The following ANK2 variants were observed in gnomAD, a reference collection of about 807,000 sequenced individuals.
ANK2 encodes the protein ankyrin 2.
ANK2 carries 83 observed loss-of-function variants against 360.5 expected under a neutral mutation model. The ratio of observed to expected loss-of-function variants is 0.23; its 90% CI spans 0.19 to 0.28. The LOEUF is 0.28. Among genes scored for constraint, ANK2 ranks in the 10% least tolerant of loss-of-function variants. The pLI is 1.00. For synonymous variants in ANK2, 1,740 were observed against 1,759.5 expected, an observed-to-expected ratio of 0.99 and a Z score of 0.28; for missense variants, 4,201 against 4,795.7, an observed-to-expected ratio of 0.88 and a Z score of 3.66.
chr4:112,896,834 G>A (rs2081905118), intron 1 of ANK2, among the ~76,000 whole-genome samples: 1 of 152,100 alleles, frequency 6.6e-6, no homozygotes, highest in South Asian at 2.1e-4. Context: ...TTACTTACCT[G>A]CTCCTTCCAG....
chr4:113,250,752 A>ACCC (rs1383642885), intron 10 of ANK2, among the ~76,000 whole-genome samples: 33 of 47,338 alleles, frequency 7.0e-4, no homozygotes, highest in Non-Finnish European at 6.8e-4. Flanking sequence ...ACCTCATACC[A>ACCC]CCGCCCCCCC....
At chr4:112,706,938 G>A in the ANK2 span, 7 of 152,162 alleles carry the variant, frequency 4.6e-5, no homozygotes, top group East Asian at 7.7e-4. Flanking sequence ...ATCTGGTTGT[G>A]ATCTGTGATT....
chr4:113,262,584 A>C (rs1011690450), intron 13 of ANK2, among the ~76,000 whole-genome samples: 2 of 152,100 alleles, frequency 1.3e-5, no homozygotes, highest in African/African-American at 4.8e-5. Flanking sequence ...CTTCTGTATC[A>C]GTGGGTTCTA....
At chr4:112,922,473 AC>A (rs981352393) in intron 2 of ANK2, among the ~76,000 whole-genome samples, 2 of 152,224 alleles carry the variant, frequency 1.3e-5, no homozygotes, top group Non-Finnish European at 2.9e-5. Flanking sequence ...AGAAACTTTT[AC>A]CTTCAGCAAT....
intron 1 of ANK2, among the ~76,000 whole-genome samples, chr4:113,101,693 C>T (rs2092866377): frequency 6.6e-6 from 1 of 151,910 alleles, no homozygotes; most frequent in African/African-American, 2.4e-5. Context: ...AAATAAGAAC[C>T]CAATTACCTA....
At chr4:113,009,532 A>G (rs773631866) in intron 2 of ANK2, among the ~76,000 whole-genome samples, 15 of 152,316 alleles carry the variant, frequency 9.8e-5, no homozygotes, top group Non-Finnish European at 1.8e-4. Context: ...AGAAAAATAC[A>G]TCGAGAAGAT....
At chr4:112,779,391 C>T in the ANK2 span, among the ~76,000 whole-genome samples, 4 of 152,188 alleles carry the variant, frequency 2.6e-5, no homozygotes, top group Admixed American at 1.3e-4. Context: ...TGGTGATGGG[C>T]GCCTGTAGTC....
rs190289571 is a variant in ANK2 at position 113,325,258 on chromosome 4, A to G, written c.2901-4988A>G. Among the ~76,000 whole-genome samples the G allele has an allele frequency of 1.8e-4, 28 of 152,344 alleles. No homozygotes were observed. In the East Asian group the frequency reaches 4.4e-3, roughly 24 times the overall value. On this transcript the variant is annotated intron_variant, in intron 26 of 45. Transcript: ENST00000357077. Reference sequence around the variant, plus strand: ...AAACAGCTGTTTTAACCATAAAGCAAAAATGATATATATTTCCTGAAGTAA... The same window carrying G: ...AAACAGCTGTTTTAACCATAAAGCAGAAATGATATATATTTCCTGAAGTAA...
the ANK2 span, among the ~76,000 whole-genome samples, chr4:112,707,511 A>G: frequency 6.6e-6 from 1 of 151,934 alleles, no homozygotes. Flanking sequence ...TCTTTTTTTT[A>G]TTATTTTCTG....
intron 26 of ANK2, among the ~76,000 whole-genome samples, chr4:113,324,168 G>T (rs906239483): frequency 3.9e-5 from 6 of 152,126 alleles, no homozygotes; most frequent in Non-Finnish European, 8.8e-5. Flanking sequence ...TTTATTAAAG[G>T]TTATGATTTT....
intron 10 of ANK2, among the ~76,000 whole-genome samples, chr4:113,254,282 C>T (rs1351307833): frequency 2.0e-5 from 3 of 152,148 alleles, no homozygotes; most frequent in South Asian, 2.1e-4. Context: ...AGAATGTAAC[C>T]TCGATAGAGA....
the ANK2 span, among the ~76,000 whole-genome samples, chr4:112,777,086 G>C: frequency 6.6e-6 from 1 of 152,174 alleles, no homozygotes; most frequent in East Asian, 1.9e-4. Flanking sequence ...GTGAATGTTG[G>C]CATAATATAT....
the ANK2 span, among the ~76,000 whole-genome samples, chr4:112,767,999 C>T: frequency 1.3e-5 from 2 of 151,774 alleles, no homozygotes; most frequent in African/African-American, 4.8e-5. Context: ...AAGGAGAAAA[C>T]AAAGGGAGAA....
At chr4:112,821,774 T>TTTG (rs2057121174) in intron 1 of ANK2, among the ~76,000 whole-genome samples, 1 of 151,204 alleles carries the variant, frequency 6.6e-6, no homozygotes, top group African/African-American at 2.4e-5. Flanking sequence ...GTCATAGATT[T>TTTG]TTTTTTTTTT....
chr4:113,129,672 C>G (rs1160570529), intron 1 of ANK2, among the ~76,000 whole-genome samples: 2 of 152,072 alleles, frequency 1.3e-5, no homozygotes, highest in Non-Finnish European at 2.9e-5. Context: ...TTCATAGTAC[C>G]ATTTTTCAAA....
At chr4:112,940,972 T>C (rs1471695438) in intron 2 of ANK2, among the ~76,000 whole-genome samples, 1 of 152,066 alleles carries the variant, frequency 6.6e-6, no homozygotes, top group Non-Finnish European at 1.5e-5. Context: ...ACTTTCAAGT[T>C]CCTCATGAGG....
chr4:112,800,150 TGTC>T, the ANK2 span, among the ~76,000 whole-genome samples: 1 of 152,158 alleles, frequency 6.6e-6, no homozygotes, highest in Non-Finnish European at 1.5e-5. Flanking sequence ...TCACGACAAA[TGTC>T]GTTCCTTCTC....
intron 1 of ANK2, among the ~76,000 whole-genome samples, chr4:113,084,088 C>T (rs867061115): frequency 2.0e-5 from 3 of 152,152 alleles, no homozygotes; most frequent in Non-Finnish European, 2.9e-5. Context: ...TAACCATTGG[C>T]TTCTGAGGTC....
At chr4:112,761,943 A>G in the ANK2 span, among the ~76,000 whole-genome samples, 1 of 152,226 alleles carries the variant, frequency 6.6e-6, no homozygotes. Context: ...GGCTACACCA[A>G]GTGTTGTAGG....
Sources: allele counts gnomAD v4.1 joint callset (sites outside exome capture counted in the v4.1 genomes callset), GRCh38; gene constraint gnomAD v4.1.1; transcripts MANE v1.5; gene names NCBI Gene and HGNC (gene_info 2026-07-23, HGNC 2026-07-21).